PTPRJ: variants seen among roughly 807,000 people sequenced by gnomAD.
The protein encoded by PTPRJ is protein tyrosine phosphatase receptor type J.
Under a neutral mutation model 141.3 loss-of-function variants are expected in PTPRJ, and 129 were observed. The ratio of observed to expected loss-of-function variants is 0.91; its 90% CI spans 0.79 to 1.06. PTPRJ has a LOEUF of 1.06. Among genes scored for constraint, PTPRJ ranks in the 50% least tolerant of loss-of-function variants. The pLI, the probability that PTPRJ is intolerant of heterozygous loss-of-function variation, is 0.00. For missense variants in PTPRJ, 1,601 were observed against 1,679.7 expected (o/e 0.95, Z 0.82); for synonymous variants, 610 against 640.5 (o/e 0.95, Z 0.72).
chr11:48,028,654 G>A (rs1348942066), intron 1 of PTPRJ, among the ~76,000 whole-genome samples: 2 of 152,196 alleles, frequency 1.3e-5, no homozygotes, highest in African/African-American at 4.8e-5. Context: ...AGCCAGGTGT[G>A]GTGGCGGGCA....
At chr11:48,140,644 A>T (rs1857210251) in intron 11 of PTPRJ, among the ~76,000 whole-genome samples, 1 of 152,190 alleles carries the variant, frequency 6.6e-6, no homozygotes. Context: ...GAGGTTGCTG[A>T]AGCTTGTAGT....
chr11:48,069,193 G>C (rs1012834041), intron 1 of PTPRJ, among the ~76,000 whole-genome samples: 1 of 151,454 alleles, frequency 6.6e-6, no homozygotes, highest in East Asian at 1.9e-4. Flanking sequence ...TCCGCCTCCC[G>C]GGATAAAGCG....
At chr11:48,027,791 CAAAAAAAAAAA>C (rs750153282) in intron 1 of PTPRJ, among the ~76,000 whole-genome samples, 4 of 32,902 alleles carry the variant, frequency 1.2e-4, no homozygotes, top group East Asian at 2.3e-3. Context: ...ACTCTGTCTC[CAAAAAAAAAAA>C]AAAAAAAAAA....
intron 3 of PTPRJ, among the ~76,000 whole-genome samples, chr11:48,119,805 C>A (rs1157513461): frequency 6.6e-6 from 1 of 152,218 alleles, no homozygotes; most frequent in Non-Finnish European, 1.5e-5. Flanking sequence ...CTTACACCAT[C>A]TTTACTCTTT....
At chr11:48,013,103 C>CAAAA (rs5791798) in intron 1 of PTPRJ, among the ~76,000 whole-genome samples, 1 of 90,106 alleles carries the variant, frequency 1.1e-5, no homozygotes, top group Non-Finnish European at 2.3e-5. Context: ...GACTCTGTGT[C>CAAAA]AAAAAAAAAA....
intron 1 of PTPRJ, among the ~76,000 whole-genome samples, chr11:47,987,355 A>G (rs1854078063): frequency 3.9e-5 from 6 of 152,222 alleles, no homozygotes; most frequent in Admixed American, 3.9e-4. Context: ...AGTTGGTCTA[A>G]AGAAAAACAT....
At chr11:48,111,603 G>A (rs901791613) in intron 2 of PTPRJ, among the ~76,000 whole-genome samples, 3 of 152,140 alleles carry the variant, frequency 2.0e-5, no homozygotes, top group Non-Finnish European at 2.9e-5. Flanking sequence ...TAAATAAACT[G>A]GTGGGTACCT....
At chr11:48,053,182 TATATATAAAA>T (rs1278900495) in intron 1 of PTPRJ, among the ~76,000 whole-genome samples, 2 of 103,688 alleles carry the variant, frequency 1.9e-5, no homozygotes, top group Non-Finnish European at 3.6e-5. Flanking sequence ...AATATATAAA[TATATATAAAA>T]ATATATAAAT....
At chr11:48,059,045 T>TGATC (rs1464275639) in intron 1 of PTPRJ, among the ~76,000 whole-genome samples, 105 of 149,944 alleles carry the variant, frequency 7.0e-4, no homozygotes, top group Admixed American at 6.7e-3. Flanking sequence ...AGGCCGGCCC[T>TGATC]GATCAGCTGT....
chr11:48,095,753 G>A (rs1253910100), intron 1 of PTPRJ, among the ~76,000 whole-genome samples: 1 of 151,988 alleles, frequency 6.6e-6, no homozygotes, highest in Non-Finnish European at 1.5e-5. Context: ...GCTAATTTTT[G>A]TATTTTTAGT....
chr11:48,004,201 A>G (rs1339624652), intron 1 of PTPRJ, among the ~76,000 whole-genome samples: 4 of 152,236 alleles, frequency 2.6e-5, no homozygotes, highest in African/African-American at 9.6e-5. Flanking sequence ...GTTATATCTT[A>G]GGAAGGCAGT....
intron 7 of PTPRJ, among the ~76,000 whole-genome samples, chr11:48,130,258 A>G (rs1856939785): frequency 6.6e-6 from 1 of 151,822 alleles, no homozygotes; most frequent in South Asian, 2.1e-4. Context: ...GAGCTTCTGC[A>G]CTCTCATGAT....
rs1853875700 is a variant in PTPRJ at position 47,980,715 on chromosome 11, C to T, written c.-198C>T. 3.0e-6 allele frequency: 3 copies of T among 998,494 alleles called. No homozygotes were observed. The highest frequency in any genetic ancestry group is 3.6e-6 in the Non-Finnish European group (3 of 840,556). The allele number at this position is 998,494 out of a possible 1,614,324, so 61.9% of individuals were successfully genotyped here. A position where few individuals can be genotyped will look rare whatever the true frequency, so the allele number is the denominator to read the frequency against. ...CCCCCGCGGCAGCCGCGCTAGGCTC[C>T]GGCGTGTGGCCGCGGCCGCCGCCGC... On this transcript the variant is annotated 5_prime_UTR_variant, in exon 1 of 25. Transcript: ENST00000418331.
intron 1 of PTPRJ, among the ~76,000 whole-genome samples, chr11:48,042,850 ATGAT>A (rs970165485): frequency 2.0e-5 from 3 of 151,588 alleles, no homozygotes; most frequent in African/African-American, 7.3e-5. Flanking sequence ...GGAAGGAAGA[ATGAT>A]TGATTAGGAA....
chr11:48,164,332 G>A, intron 23 of PTPRJ, 48 bp from the exon 24 acceptor site: 2 of 1,600,160 alleles, frequency 1.2e-6, no homozygotes, highest in East Asian at 4.5e-5. Flanking sequence ...TAAGAGGGTT[G>A]CAGTCGAGGG....
Position 48,149,437 on chromosome 11 carries a change from C to G in PTPRJ, c.3000-10C>G, listed in dbSNP as rs1384055296. On this transcript the variant is annotated splice_polypyrimidine_tract_variant and intron_variant, in intron 15 of 24. Coordinates refer to ENST00000418331, the MANE Select transcript of PTPRJ (RefSeq NM_002843.4). ...TTTTTGTCTAATGGGTCTCTTTTCTCTTAAAACAGGAAAGATGCAAAGAAT... is the reference window on the plus strand; with the variant it reads ...TTTTTGTCTAATGGGTCTCTTTTCTGTTAAAACAGGAAAGATGCAAAGAAT... 6.6e-7 allele frequency: 1 copy of G among 1,508,980 alleles called. No homozygotes were observed. The highest frequency in any genetic ancestry group is 1.4e-5 in the African/African-American group (1 of 71,598). The allele number at this position is 1,508,980 out of a possible 1,614,324, so 93.5% of individuals were successfully genotyped here. A position where few individuals can be genotyped will look rare whatever the true frequency, so the allele number is the denominator to read the frequency against.
At chr11:48,101,823 G>A (rs1856157289) in intron 1 of PTPRJ, among the ~76,000 whole-genome samples, 1 of 152,190 alleles carries the variant, frequency 6.6e-6, no homozygotes, top group Non-Finnish European at 1.5e-5. Flanking sequence ...TTAAGTGCAT[G>A]CAGCCAGAAG....
At chr11:48,121,510 T>C (rs1270830174) in intron 4 of PTPRJ, among the ~76,000 whole-genome samples, 1 of 152,224 alleles carries the variant, frequency 6.6e-6, no homozygotes, top group African/African-American at 2.4e-5. Flanking sequence ...TTGTTATTGT[T>C]GGTTAACACC....
rs576504938 is a variant in PTPRJ at position 48,069,634 on chromosome 11, G to T, written c.97-40424G>T. 3.3e-5 allele frequency among the ~76,000 whole-genome samples: 5 copies of T among 151,768 alleles called. No homozygotes were observed. The South Asian group carries it at 6.2e-4, about 19-fold the overall frequency. On this transcript the variant is annotated intron_variant, in intron 1 of 24. Transcript: ENST00000418331. ...CCGGCTAATTTTTTTTGTATTTTTA[G>T]TAGAGACGGGGTTTCACCATGTTAG...
Sources: gnomAD v4.1 joint callset for allele counts (sites outside exome capture counted in the v4.1 genomes callset) on GRCh38, gnomAD v4.1.1 for gene constraint, MANE v1.5 for transcripts, NCBI Gene and HGNC (gene_info 2026-07-23, HGNC 2026-07-21) for gene names.